The following ADGRL3 variants were observed in gnomAD, a reference collection of about 807,000 sequenced individuals.
ADGRL3 encodes the protein calcium-independent alpha-latrotoxin receptor 3.
A neutral mutation model predicts 153.5 loss-of-function variants in ADGRL3; 62 were observed. The ratio of observed to expected loss-of-function variants is 0.40; its 90% CI spans 0.33 to 0.50. The LOEUF (loss-of-function observed/expected upper bound fraction) is 0.50, where lower values mean the gene tolerates loss of function less well. ADGRL3 is among the 20% of genes least tolerant of loss of function. ADGRL3 has a pLI of 0.47. For synonymous variants in ADGRL3, 710 were observed against 672.5 expected, an observed-to-expected ratio of 1.06 and a Z score of -0.86; for missense variants, 1,641 against 1,859.4, an observed-to-expected ratio of 0.88 and a Z score of 2.16.
At chr4:61,224,080 T>C (rs544340571) in intron 1 of ADGRL3, among the ~76,000 whole-genome samples, 4 of 152,240 alleles carry the variant, frequency 2.6e-5, no homozygotes, top group African/African-American at 9.6e-5. Context: ...AAAATAATAC[T>C]TAAATTTTTA....
intron 4 of ADGRL3, among the ~76,000 whole-genome samples, chr4:61,586,328 CA>C: frequency 6.6e-6 from 1 of 151,794 alleles, no homozygotes; most frequent in Non-Finnish European, 1.5e-5. Flanking sequence ...TATTATGACA[CA>C]AAAACACCAA....
chr4:61,719,603 C>CT (rs1387165454), intron 6 of ADGRL3, among the ~76,000 whole-genome samples: 81 of 103,032 alleles, frequency 7.9e-4, no homozygotes, highest in Non-Finnish European at 1.3e-3. Flanking sequence ...CTCTGTCATA[C>CT]CTTTTTTTTT....
intron 6 of ADGRL3, among the ~76,000 whole-genome samples, chr4:61,709,312 A>G (rs1301258476): frequency 2.0e-5 from 3 of 152,168 alleles, no homozygotes; most frequent in East Asian, 1.9e-4. Flanking sequence ...TAATTGGCCT[A>G]TGTAGTTAGT....
At chr4:61,881,094 A>G (rs2149480979) in intron 9 of ADGRL3, among the ~76,000 whole-genome samples, 1 of 152,326 alleles carries the variant, frequency 6.6e-6, no homozygotes, top group Non-Finnish European at 1.5e-5. Flanking sequence ...TTTTAAAGAT[A>G]TATTTTGAGA....
At chr4:61,368,689 T>G (rs2096459048) in intron 1 of ADGRL3, among the ~76,000 whole-genome samples, 1 of 152,178 alleles carries the variant, frequency 6.6e-6, no homozygotes, top group Admixed American at 6.5e-5. Context: ...TTCTTTTGGC[T>G]TAAGATTGAC....
At chr4:61,244,987 A>G (rs981449447) in intron 1 of ADGRL3, among the ~76,000 whole-genome samples, 1 of 151,984 alleles carries the variant, frequency 6.6e-6, no homozygotes, top group Non-Finnish European at 1.5e-5. Flanking sequence ...TATCCACACA[A>G]TCTCCTTTCC....
intron 2 of ADGRL3, among the ~76,000 whole-genome samples, chr4:61,408,798 T>A (rs1008135220): frequency 6.6e-6 from 1 of 151,930 alleles, no homozygotes; most frequent in African/African-American, 2.4e-5. Flanking sequence ...GAGAAAACAC[T>A]GAGTTTGGAT....
At chr4:61,364,327 G>A (rs1281620583) in intron 1 of ADGRL3, among the ~76,000 whole-genome samples, 2 of 62,854 alleles carry the variant, frequency 3.2e-5, no homozygotes, top group South Asian at 4.8e-4. Context: ...GTGAGACTCC[G>A]TCTCAAAAAA....
intron 5 of ADGRL3, among the ~76,000 whole-genome samples, chr4:61,591,895 A>G (rs2149407050): frequency 6.6e-6 from 1 of 151,776 alleles, no homozygotes; most frequent in South Asian, 2.1e-4. Context: ...TGGATGTTTT[A>G]TGAAACATCC....
chr4:61,452,310 C>G (rs1318747937), intron 2 of ADGRL3, among the ~76,000 whole-genome samples: 4 of 151,936 alleles, frequency 2.6e-5, no homozygotes, highest in Non-Finnish European at 4.4e-5. Context: ...AACAGTTCAT[C>G]CTTGCCTTCT....
At chr4:61,405,226 T>C (rs1270784678) in intron 2 of ADGRL3, among the ~76,000 whole-genome samples, 4 of 152,014 alleles carry the variant, frequency 2.6e-5, no homozygotes, top group Admixed American at 1.3e-4. Context: ...GATTTTACAC[T>C]GAATAAGCGA....
Position 61,314,756 on chromosome 4 carries a change from G to A in ADGRL3, c.-239-68368G>A, listed in dbSNP as rs780279972. On this transcript the variant is annotated intron_variant, in intron 1 of 26. Transcript: ENST00000683033. ...GTTGTCACAACTTGGGCTGAAGGTG[G>A]TAATACTGGAATCTAGTGAGTACAG... Among the ~76,000 whole-genome samples, 25 of 152,160 alleles carry A rather than the reference G, an allele frequency of 1.6e-4. No homozygotes were observed. In the East Asian group the frequency reaches 1.7e-3, roughly 11 times the overall value.
intron 5 of ADGRL3, among the ~76,000 whole-genome samples, chr4:61,611,161 G>A (rs1217072162): frequency 6.6e-6 from 1 of 152,226 alleles, no homozygotes; most frequent in East Asian, 1.9e-4. Context: ...TATGAAACTT[G>A]TGATTCCTAT....
intron 8 of ADGRL3, among the ~76,000 whole-genome samples, chr4:61,748,764 A>G: frequency 6.6e-6 from 1 of 152,128 alleles, no homozygotes. Context: ...ACCCTAGAAG[A>G]AAACCTAGGC....
chr4:61,409,674 A>T (rs1486013547), intron 2 of ADGRL3, among the ~76,000 whole-genome samples: 3 of 151,678 alleles, frequency 2.0e-5, no homozygotes, highest in Admixed American at 1.3e-4. Flanking sequence ...CAATATTTTT[A>T]AAAATAATAC....
At chr4:61,400,817 CAAAAAA>C (rs67512824) in intron 2 of ADGRL3, among the ~76,000 whole-genome samples, 1 of 114,558 alleles carries the variant, frequency 8.7e-6, no homozygotes. Context: ...GCTAAAGTTA[CAAAAAA>C]AAAAAAAAAA....
At chr4:61,280,140 C>T (rs1488829428) in intron 1 of ADGRL3, among the ~76,000 whole-genome samples, 14 of 139,726 alleles carry the variant, frequency 1.0e-4, no homozygotes, top group East Asian at 2.1e-4. Context: ...GACCGAGTCT[C>T]GCTCTGTTGC....
At chr4:61,831,611 G>T (rs1021333703) in intron 9 of ADGRL3, among the ~76,000 whole-genome samples, 1 of 151,918 alleles carries the variant, frequency 6.6e-6, no homozygotes, top group African/African-American at 2.4e-5. Flanking sequence ...ACTCCCAGTG[G>T]ACACTAGTCG....
At chr4:61,633,852 T>TA (rs2093295179) in intron 5 of ADGRL3, among the ~76,000 whole-genome samples, 1 of 73,512 alleles carries the variant, frequency 1.4e-5, no homozygotes, top group Non-Finnish European at 3.0e-5. Flanking sequence ...TATTATTTTA[T>TA]TTGGTCCTGG....
Sources: gnomAD v4.1 joint callset for allele counts (sites outside exome capture counted in the v4.1 genomes callset) on GRCh38, gnomAD v4.1.1 for gene constraint, MANE v1.5 for transcripts, NCBI Gene and HGNC (gene_info 2026-07-23, HGNC 2026-07-21) for gene names.